Variants in RAPGEF2 observed in about 807,000 individuals in gnomAD.
RAPGEF2 encodes Rap guanine nucleotide exchange factor 2.
A neutral mutation model predicts 186.7 loss-of-function variants in RAPGEF2; 54 were observed. The ratio of observed to expected loss-of-function variants is 0.29; its 90% CI spans 0.23 to 0.36. RAPGEF2 has a LOEUF of 0.36. Among genes scored for constraint, RAPGEF2 ranks in the 10% least tolerant of loss-of-function variants. The probability of loss-of-function intolerance (pLI) is 1.00; values close to 1 mark genes in which losing one functional copy is unlikely to be tolerated. For missense variants in RAPGEF2, 1,532 were observed against 2,045.0 expected (o/e 0.75, Z 4.84); for synonymous variants, 712 against 705.9 (o/e 1.01, Z -0.14).
At position 159,355,862 on chromosome 4, in the gene RAPGEF2, A is replaced by G; in HGVS notation, c.4661A>G (p.Glu1554Gly). The G allele has an allele frequency of 6.5e-7, 1 of 1,546,536 alleles. No homozygotes were observed. Among genetic ancestry groups the G allele is most frequent in the Non-Finnish European group, 8.7e-7 (1 of 1,143,794 alleles). Residue 1554 changes from glutamate (E) to glycine (G), a missense_variant, in exon 29 of 30, where the codon GAG (glutamate) becomes GGG (glycine). By Grantham distance (98) the Glu-to-Gly change is moderately conservative. This residue lies in a region of RAPGEF2 where 594 missense variants were observed against 608.5 expected (regional missense o/e 0.98). Transcript: ENST00000691494. ...ATTGTTTCTACTCTAGCACGAAAGG[A>G]GGGCAGGTATCGAGAGCCCCCGCCC... ...STTKGLIARK[E>G]GRYREPPPTP... is the part of the protein sequence containing the mutation.
At chr4:159,290,332 T>TTG (rs1405337178) in intron 7 of RAPGEF2, among the ~76,000 whole-genome samples, 3 of 152,242 alleles carry the variant, frequency 2.0e-5, no homozygotes, top group African/African-American at 7.2e-5. Flanking sequence ...ATTCCTGCTT[T>TTG]TGTGTATGTG....
intron 1 of RAPGEF2, among the ~76,000 whole-genome samples, chr4:159,166,457 A>G (rs907316959): frequency 1.3e-5 from 2 of 152,176 alleles, no homozygotes; most frequent in Admixed American, 6.5e-5. Flanking sequence ...TTTGCAGATA[A>G]TAAGTATTGA....
rs760582183 is a variant in RAPGEF2, at chr4:159,353,726, G to C, written c.4331G>C (p.Gly1444Ala). The change falls in exon 28 of 30, where the codon GGG becomes GCG. Residue 1444 changes from glycine (G) to alanine (A), a missense_variant. Coordinates refer to ENST00000691494, the MANE Select transcript of RAPGEF2 (RefSeq NM_001394067.2). The surrounding 1 kb of genome is among the most constrained non-coding windows in gnomAD (Gnocchi z 4.3). ...GGGCATACTCACTTTGATTATTCAG[G>C]GGATCCTGCAGGTTTATGGGCATCA... ...PFGHTHFDYS[G>A]DPAGLWASSS... The C allele has an allele frequency of 6.2e-7, 1 of 1,609,366 alleles. No individual in the cohort carries two copies. Among genetic ancestry groups the C allele is most frequent in the East Asian group, 2.2e-5 (1 of 44,862 alleles).
chr4:159,243,819 A>C, intron 7 of RAPGEF2, 28 bp downstream of exon 7: 1 of 1,257,860 alleles, frequency 8.0e-7, no homozygotes, highest in East Asian at 5.6e-5. Context: ...TGGTCTTCTG[A>C]CACTAACCTA....
chr4:159,332,617 C>T lies in RAPGEF2; in HGVS notation c.2055C>T (p.Ala685=). 6.2e-7 allele frequency: 1 copy of T among 1,614,052 alleles called. No individual in the cohort carries two copies. The change falls in exon 17 of 30, where the codon GCC becomes GCT. Residue 685 remains alanine (A), a synonymous_variant. Transcript: ENST00000691494. ...AAAAAGTGAACAAAAAAAGTAAAGCCAACACTGTGGGAGGAAGGAACAAGC... is the reference window on the plus strand; with the variant it reads ...AAAAAGTGAACAAAAAAAGTAAAGCTAACACTGTGGGAGGAAGGAACAAGC... ...GLEKVNKKSK[A]NTVGGRNKLK...
intron 1 of RAPGEF2, among the ~76,000 whole-genome samples, chr4:159,180,305 C>T (rs759056466): frequency 2.0e-5 from 3 of 152,142 alleles, no homozygotes; most frequent in Non-Finnish European, 4.4e-5. Context: ...GGTCTGAGAG[C>T]AGAGATTTCT....
chr4:159,175,080 G>A (rs1158690017), intron 1 of RAPGEF2, among the ~76,000 whole-genome samples: 1 of 152,068 alleles, frequency 6.6e-6, no homozygotes, highest in Non-Finnish European at 1.5e-5. Flanking sequence ...GTCTTATAAT[G>A]TTTAGGAATC....
chr4:159,317,877 T>C (rs1490443440), intron 9 of RAPGEF2, among the ~76,000 whole-genome samples: 4 of 152,190 alleles, frequency 2.6e-5, no homozygotes, highest in Non-Finnish European at 5.9e-5. Flanking sequence ...TAATCTAATA[T>C]ATCTTTTTTG....
intron 3 of RAPGEF2, among the ~76,000 whole-genome samples, chr4:159,194,300 C>G (rs1748403452): frequency 6.6e-6 from 1 of 152,200 alleles, no homozygotes; most frequent in African/African-American, 2.4e-5. Context: ...TACAGTCATA[C>G]TTGGTCAAGA....
chr4:159,123,460 TA>T (rs2111103245), intron 1 of RAPGEF2, among the ~76,000 whole-genome samples: 1 of 152,258 alleles, frequency 6.6e-6, no homozygotes, highest in Non-Finnish European at 1.5e-5. Flanking sequence ...TACCAGCTTG[TA>T]AAAGTTATTC....
intron 11 of RAPGEF2, chr4:159,329,321 CAT>C (rs1176333948): frequency 1.3e-5 from 2 of 152,194 alleles, no homozygotes; most frequent in African/African-American, 2.4e-5. Context: ...AGCTATAACA[CAT>C]ATGTGGTTTG....
intron 7 of RAPGEF2, among the ~76,000 whole-genome samples, chr4:159,300,348 A>C (rs1762505178): frequency 6.6e-6 from 1 of 151,900 alleles, no homozygotes; most frequent in African/African-American, 2.4e-5. Context: ...AGAGTAGTTT[A>C]TTAAAATTGT....
rs78653116 is a variant in RAPGEF2, at chr4:159,105,879, T to C, written c.69+1648T>C. ...TAGCAAGGCTGGTCAGAAAATGATG[T>C]CAGAGGCCTTTGGTGGAAATTAGAG... On this transcript the variant is annotated intron_variant, in intron 1 of 29. Transcript: ENST00000691494. Among the ~76,000 whole-genome samples, 1,289 of 152,332 alleles carry C rather than the reference T, an allele frequency of 8.5e-3. 23 individuals carry two copies. The highest frequency in any genetic ancestry group is 0.029 in the African/African-American group (1,226 of 41,578).
intron 1 of RAPGEF2, among the ~76,000 whole-genome samples, chr4:159,172,506 G>A (rs1746015946): frequency 6.6e-6 from 1 of 152,176 alleles, no homozygotes; most frequent in Non-Finnish European, 1.5e-5. Context: ...TCTTGGTAAT[G>A]ATGATCTGAG....
In RAPGEF2 at chr4:159,353,407, A is replaced by G; in HGVS notation, c.4092-80A>G. On this transcript the variant is annotated intron_variant, in intron 27 of 29. Transcript: ENST00000691494. This position sits in a 1 kb window ranked among gnomAD's most constrained non-coding sequence, Gnocchi z 4.3. ...AAAGCAAGCTACCTTTCTAGGAAAA[A>G]GGGTATTTTGGTTTTATCATAGGTG... The G allele has an allele frequency of 1.8e-6, 2 of 1,137,892 alleles. No individual in the cohort carries two copies. Among genetic ancestry groups the G allele is most frequent in the Non-Finnish European group, 2.4e-6 (2 of 842,524 alleles). 70.5% of individuals were successfully genotyped at this position (1,137,892 alleles called of 1,614,324 possible). A position where few individuals can be genotyped will look rare whatever the true frequency, so the allele number is the denominator to read the frequency against.
chr4:159,163,174 A>C (rs908996960), intron 1 of RAPGEF2, among the ~76,000 whole-genome samples: 1 of 152,204 alleles, frequency 6.6e-6, no homozygotes, highest in African/African-American at 2.4e-5. Flanking sequence ...AAATGGTTCA[A>C]TTATAAGAGT....
At chr4:159,180,252 A>C (rs1746872391) in intron 1 of RAPGEF2, among the ~76,000 whole-genome samples, 1 of 152,178 alleles carries the variant, frequency 6.6e-6, no homozygotes, top group Non-Finnish European at 1.5e-5. Flanking sequence ...TTTAATTTGC[A>C]TGTCTTTTGC....
chr4:159,117,811 C>A (rs1044527077), intron 1 of RAPGEF2, among the ~76,000 whole-genome samples: 1 of 152,120 alleles, frequency 6.6e-6, no homozygotes. Context: ...GACATTTGTT[C>A]ATCACCTATT....
At chr4:159,131,698 G>C (rs1363297473) in intron 1 of RAPGEF2, among the ~76,000 whole-genome samples, 1 of 151,590 alleles carries the variant, frequency 6.6e-6, no homozygotes, top group Non-Finnish European at 1.5e-5. Context: ...CGTCTTTCGC[G>C]TTGTTGTGTA....
Sources: gnomAD v4.1 joint callset for allele counts (sites outside exome capture counted in the v4.1 genomes callset) on GRCh38, gnomAD v4.1.1 for gene constraint, gnomAD v4.1.1 regional missense constraint, Gnocchi (gnomAD v3.1) non-coding constraint, MANE v1.5 for transcripts, NCBI Gene and HGNC (gene_info 2026-07-23, HGNC 2026-07-21) for gene names.